ZNF248: variants seen among roughly 807,000 people sequenced by gnomAD.
ZNF248 encodes KRAB protein domain.
ZNF248 carries 20 observed loss-of-function variants against 44.3 expected under a neutral mutation model. The ratio of observed to expected loss-of-function variants is 0.45; its 90% confidence interval spans 0.32 to 0.66. The LOEUF (loss-of-function observed/expected upper bound fraction) is 0.66. Among genes scored for constraint, ZNF248 ranks in the 30% least tolerant of loss-of-function variants. The pLI, the probability that ZNF248 is intolerant of heterozygous loss-of-function variation, is 0.04. For missense variants in ZNF248, 654 were observed against 677.0 expected, an observed-to-expected ratio of 0.97 and a Z score of 0.38; for synonymous variants, 224 against 229.0, an observed-to-expected ratio of 0.98 and a Z score of 0.20.
At chr10:37,768,740 A>T in the ZNF248 span, among the ~76,000 whole-genome samples, 1 of 152,220 alleles carries the variant, frequency 6.6e-6, no homozygotes, top group African/African-American at 2.4e-5. Context: ...ACACACTCAA[A>T]TGCTAGCAGA....
intron 6 of ZNF248, among the ~76,000 whole-genome samples, chr10:37,811,074 A>G (rs1035016019): frequency 6.6e-6 from 1 of 152,208 alleles, no homozygotes; most frequent in Non-Finnish European, 1.5e-5. Context: ...TTGGACCCAT[A>G]TGAAGTACCA....
intron 6 of ZNF248, among the ~76,000 whole-genome samples, chr10:37,802,598 G>A (rs142697118): frequency 5.3e-5 from 8 of 152,060 alleles, no homozygotes; most frequent in South Asian, 2.1e-4. Flanking sequence ...GAAAAACTGC[G>A]CAGTCATTAA....
chr10:37,815,769 T>C (rs962069712), intron 6 of ZNF248, among the ~76,000 whole-genome samples: 7 of 152,066 alleles, frequency 4.6e-5, no homozygotes, highest in African/African-American at 1.7e-4. Context: ...ATTCTCCCCA[T>C]TACCCAAGGT....
At chr10:37,768,933 A>G in the ZNF248 span, among the ~76,000 whole-genome samples, 1 of 152,224 alleles carries the variant, frequency 6.6e-6, no homozygotes, top group Non-Finnish European at 1.5e-5. Context: ...AAAATGATAA[A>G]GGGGATATCA....
intron 6 of ZNF248, among the ~76,000 whole-genome samples, chr10:37,781,378 A>T (rs932128971): frequency 7.2e-5 from 11 of 152,192 alleles, no homozygotes; most frequent in African/African-American, 2.7e-4. Flanking sequence ...ACCACTTGCC[A>T]TCTTGTTGGC....
At chr10:37,790,512 C>T (rs2048376126) in intron 6 of ZNF248, among the ~76,000 whole-genome samples, 2 of 151,740 alleles carry the variant, frequency 1.3e-5, no homozygotes, top group Admixed American at 1.3e-4. Context: ...GAGATCGAGA[C>T]CATCCTGGCC....
At chr10:37,837,488 G>T (rs561014925) in intron 5 of ZNF248, 129 bp downstream of exon 5, 4 of 707,248 alleles carry the variant, frequency 5.7e-6, no homozygotes, top group Admixed American at 5.6e-5. Context: ...AATTGTTTTT[G>T]ATCATTTCCA....
intron 6 of ZNF248, among the ~76,000 whole-genome samples, chr10:37,801,699 C>T (rs558396100): frequency 6.6e-6 from 1 of 152,222 alleles, no homozygotes; most frequent in African/African-American, 2.4e-5. Context: ...AGGGTTTTCA[C>T]AGAAGTTAGA....
Position 37,832,616 on chromosome 10 carries a change from A to C in ZNF248, c.739T>G (p.Cys247Gly). 6.2e-7 allele frequency: 1 copy of C among 1,613,430 alleles called. No homozygotes were observed. The highest frequency in any genetic ancestry group is 1.7e-4 in the Middle Eastern group (1 of 6,060). ...IGETVCKYNE[C>G]GRTFIESLKL... ...AAACTTTCAATGAAGGTTCTTCCAC[A>C]TTCGTTATATTTACAGACTGTCTCT... Residue 247 changes from cysteine to glycine, a missense_variant, in exon 6 of 6, where the codon TGT becomes GGT. Cys to Gly is a radical substitution (Grantham distance 159, BLOSUM62 -3). Transcript: ENST00000395867.
intron 6 of ZNF248, chr10:37,794,840 T>C (rs1366974969): frequency 6.4e-6 from 1 of 156,454 alleles, no homozygotes; most frequent in Non-Finnish European, 1.4e-5. Context: ...TTCTCCCCTA[T>C]GTGTATTCTC....
chr10:37,839,359 C>A (rs1208639), intron 3 of ZNF248, among the ~76,000 whole-genome samples: 1 of 152,060 alleles, frequency 6.6e-6, no homozygotes, highest in African/African-American at 2.4e-5. Flanking sequence ...TATGGGTCTA[C>A]AAGAAACAAT....
Position 37,801,801 on chromosome 10 carries a change from G to A in ZNF248, c.331-25226C>T, listed in dbSNP as rs187916334. Among the ~76,000 whole-genome samples the A allele has an allele frequency of 2.0e-5, 3 of 152,266 alleles. No individual in the cohort carries two copies. In the East Asian group the frequency reaches 5.8e-4, roughly 29 times the overall value. ...ATGTGCAGTACCACAGATGAAAGGA[G>A]GGAATTGTTCAAGCAGAGCTATGTT... On this transcript the variant is annotated intron_variant, in intron 6 of 6. Transcript: ENST00000615949.
At chr10:37,762,929 T>G in the ZNF248 span, among the ~76,000 whole-genome samples, 1 of 152,314 alleles carries the variant, frequency 6.6e-6, no homozygotes, top group East Asian at 1.9e-4. Context: ...GCATTTTTCA[T>G]GTAAATAATT....
At chr10:37,806,879 T>C (rs1381662949) in intron 6 of ZNF248, among the ~76,000 whole-genome samples, 1 of 152,208 alleles carries the variant, frequency 6.6e-6, no homozygotes, top group Non-Finnish European at 1.5e-5. Flanking sequence ...CAATCTTAAC[T>C]CTTACATGTA....
intron 6 of ZNF248, among the ~76,000 whole-genome samples, chr10:37,813,743 GT>G (rs750628720): frequency 5.3e-5 from 8 of 152,160 alleles, no homozygotes; most frequent in Non-Finnish European, 1.2e-4. Flanking sequence ...GGAGGCCAAA[GT>G]TATGTGCGTG....
chr10:37,819,053 T>C, intron 6 of ZNF248: 1 of 801,750 alleles, frequency 1.2e-6, no homozygotes, highest in East Asian at 2.5e-5. Flanking sequence ...ATTGTAGCTA[T>C]CATCATCCAT....
chr10:37,793,629 C>A (rs1281180653), intron 6 of ZNF248, among the ~76,000 whole-genome samples: 1 of 152,112 alleles, frequency 6.6e-6, no homozygotes, highest in Non-Finnish European at 1.5e-5. Context: ...ATTCTATACC[C>A]ACTTATTCTG....
chr10:37,801,109 G>C (rs2049762094), intron 6 of ZNF248, among the ~76,000 whole-genome samples: 1 of 151,720 alleles, frequency 6.6e-6, no homozygotes, highest in African/African-American at 2.4e-5. Context: ...GGGCACAGTG[G>C]CTCACGCCTA....
At chr10:37,799,467 G>A (rs1589195160) in intron 6 of ZNF248, among the ~76,000 whole-genome samples, 1 of 152,182 alleles carries the variant, frequency 6.6e-6, no homozygotes, top group African/African-American at 2.4e-5. Flanking sequence ...GCTGAAGCAG[G>A]AGAATTGCTT....
Sources: gnomAD v4.1 joint callset for allele counts (sites outside exome capture counted in the v4.1 genomes callset) on GRCh38, gnomAD v4.1.1 for gene constraint, MANE v1.5 for transcripts, NCBI Gene and HGNC (gene_info 2026-07-23, HGNC 2026-07-21) for gene names.